TMEM40: variants seen among roughly 807,000 people sequenced by gnomAD.
The protein encoded by TMEM40 is transmembrane protein 40.
TMEM40 carries 34 observed loss-of-function variants against 40.8 expected under a neutral mutation model. The observed-to-expected ratio is 0.83, with a 90% confidence interval of 0.63 to 1.11. The LOEUF is 1.11. TMEM40 is among the 50% of genes least tolerant of loss of function. The pLI is 0.00. For synonymous variants in TMEM40, 106 were observed against 107.0 expected, an observed-to-expected ratio of 0.99 and a Z score of 0.06; for missense variants, 296 against 280.2, an observed-to-expected ratio of 1.06 and a Z score of -0.40.
At chr3:12,757,739 T>C (rs1260828866) in intron 1 of TMEM40, among the ~76,000 whole-genome samples, 2 of 152,200 alleles carry the variant, frequency 1.3e-5, no homozygotes, top group African/African-American at 2.4e-5. Flanking sequence ...CAATCCCTAG[T>C]ATATTCGCAA....
In TMEM40 at chr3:12,735,607, G is replaced by C; in HGVS notation, c.630C>G (p.Ile210Met). Reference sequence around the variant, plus strand: ...GGATGAAGCCTTGGAGGACGCTGTGGATACGGTACACTGCTCAGAAGCAAA... The same window carrying C: ...GGATGAAGCCTTGGAGGACGCTGTGCATACGGTACACTGCTCAGAAGCAAA... ...VGIYFGLVYR[I>M]HSVLQGFIPL... Residue 210 changes from isoleucine to methionine, a missense_variant, in exon 11 of 12, where the codon ATC becomes ATG. Ile to Met is a conservative substitution (Grantham distance 10). Coordinates refer to ENST00000314124, the MANE Select transcript of TMEM40 (RefSeq NM_018306.4). The C allele has an allele frequency of 6.2e-7, 1 of 1,613,278 alleles. No individual in the cohort carries two copies. Among genetic ancestry groups the C allele is most frequent in the Non-Finnish European group, 8.5e-7 (1 of 1,179,818 alleles).
chr3:12,739,996 T>C (rs2061368620), intron 5 of TMEM40, among the ~76,000 whole-genome samples: 1 of 147,976 alleles, frequency 6.8e-6, no homozygotes, highest in Non-Finnish European at 1.5e-5. Flanking sequence ...GCTCTCACAA[T>C]CATAATTTTA....
chr3:12,764,051 G>T (rs1171990925), upstream of TMEM40, among the ~76,000 whole-genome samples: 1 of 152,034 alleles, frequency 6.6e-6, no homozygotes, highest in African/African-American at 2.4e-5. Flanking sequence ...AAGTAGCTGG[G>T]ATTACAGGCA....
Position 12,743,889 on chromosome 3 carries a change from C to A in TMEM40, c.301+11G>T, listed in dbSNP as rs370049537. 5.6e-6 allele frequency: 9 copies of A among 1,612,686 alleles called. No homozygotes were observed. In the African/African-American group the frequency reaches 1.2e-4, roughly 22 times the overall value. ...GTGGGCAAAAGAAAAATGGTAAGGC[C>A]TATTTCCTACCGGGTGAGCCGTTCC... On this transcript the variant is annotated intron_variant, in intron 4 of 11. Transcript: ENST00000314124.
chr3:12,742,976 C>A (rs1165955368), intron 4 of TMEM40, among the ~76,000 whole-genome samples: 1 of 152,140 alleles, frequency 6.6e-6, no homozygotes, highest in Non-Finnish European at 1.5e-5. Flanking sequence ...GTTGCCAAAG[C>A]CTGCATTCCT....
chr3:12,737,973 C>T lies in TMEM40; in HGVS notation c.424+163G>A. On this transcript the variant is annotated intron_variant, in intron 7 of 11. Transcript: ENST00000314124. ...TTAGGCCCGAGTCTGCCTTCCTTTC[C>T]ATTTCCCCTGCACTGGAGATCCCCC... The T allele has an allele frequency of 2.9e-6, 3 of 1,047,766 alleles. No individual in the cohort carries two copies. In the South Asian group the frequency reaches 4.2e-5, roughly 15 times the overall value. 64.9% of individuals were successfully genotyped at this position (1,047,766 alleles called of 1,614,324 possible).
upstream of TMEM40, among the ~76,000 whole-genome samples, chr3:12,762,902 A>G (rs7644858): frequency 0.64 from 97,326 of 151,990 alleles, 32,815 homozygotes; most frequent in African/African-American, 0.82. Flanking sequence ...GGTGGCTCGC[A>G]CCTGTAATCC....
intron 1 of TMEM40, among the ~76,000 whole-genome samples, chr3:12,756,863 C>T (rs530660905): frequency 5.9e-5 from 9 of 151,884 alleles, no homozygotes; most frequent in Non-Finnish European, 1.3e-4. Context: ...TACACACTCT[C>T]TCTCTCACAC....
intron 1 of TMEM40, among the ~76,000 whole-genome samples, chr3:12,758,668 GTC>G (rs2061547633): frequency 6.6e-6 from 1 of 152,204 alleles, no homozygotes. Context: ...TTCCTTCCAA[GTC>G]TCCCAAACCT....
chr3:12,748,153 A>T (rs2061443935), intron 3 of TMEM40, among the ~76,000 whole-genome samples: 1 of 152,144 alleles, frequency 6.6e-6, no homozygotes, highest in Non-Finnish European at 1.5e-5. Context: ...AACGAATTTC[A>T]TCCTCACAAG....
At chr3:12,740,370 A>G (rs2061372218) in intron 5 of TMEM40, among the ~76,000 whole-genome samples, 2 of 150,820 alleles carry the variant, frequency 1.3e-5, no homozygotes, top group Non-Finnish European at 3.0e-5. Context: ...GATTACAGGC[A>G]TGAGCCACAG....
upstream of TMEM40, among the ~76,000 whole-genome samples, chr3:12,762,279 T>C (rs1456903456): frequency 6.6e-6 from 1 of 152,232 alleles, no homozygotes; most frequent in Non-Finnish European, 1.5e-5. Flanking sequence ...TCTGGATATA[T>C]TATTAAAATT....
chr3:12,736,404 C>G (rs377766947), intron 10 of TMEM40, among the ~76,000 whole-genome samples, 174 bp downstream of exon 10: 7 of 152,286 alleles, frequency 4.6e-5, no homozygotes, highest in African/African-American at 1.4e-4. Context: ...CACACCTCAG[C>G]CTCCCAAAGT....
intron 1 of TMEM40, among the ~76,000 whole-genome samples, chr3:12,766,475 G>A (rs1269623688): frequency 1.3e-5 from 2 of 151,710 alleles, no homozygotes; most frequent in East Asian, 3.9e-4. Flanking sequence ...GGTGCCTGTA[G>A]TCCCAGCTAC....
chr3:12,761,383 T>C (rs2061567526), upstream of TMEM40, among the ~76,000 whole-genome samples: 1 of 152,116 alleles, frequency 6.6e-6, no homozygotes, highest in South Asian at 2.1e-4. Context: ...GGCAGGTGAA[T>C]CACTTGAGTC....
upstream of TMEM40, among the ~76,000 whole-genome samples, chr3:12,760,826 C>T (rs2061564507): frequency 6.6e-6 from 1 of 151,844 alleles, no homozygotes; most frequent in African/African-American, 2.4e-5. Context: ...ACTGCAAACT[C>T]AAACTCCTGG....
At chr3:12,754,313 AAAC>A (rs60803748) in intron 1 of TMEM40, among the ~76,000 whole-genome samples, 9 of 151,918 alleles carry the variant, frequency 5.9e-5, no homozygotes, top group South Asian at 2.1e-4. Context: ...TTCCGTCTCA[AAAC>A]AACAACAACA....
intron 1 of TMEM40, among the ~76,000 whole-genome samples, chr3:12,757,679 G>T (rs1267384719): frequency 6.6e-6 from 1 of 152,104 alleles, no homozygotes; most frequent in East Asian, 1.9e-4. Flanking sequence ...AAAACAGTTT[G>T]TCAGCTCCTC....
chr3:12,763,753 C>A (rs539331959), upstream of TMEM40, among the ~76,000 whole-genome samples: 4 of 152,084 alleles, frequency 2.6e-5, no homozygotes, highest in African/African-American at 9.7e-5. Flanking sequence ...CCCTGCTATA[C>A]CTTGGTGTTC....
Sources: allele counts gnomAD v4.1 joint callset (sites outside exome capture counted in the v4.1 genomes callset), GRCh38; gene constraint gnomAD v4.1.1; transcripts MANE v1.5; gene names NCBI Gene and HGNC (gene_info 2026-07-23, HGNC 2026-07-21).